The following DCT variants were observed in gnomAD, a reference collection of about 807,000 sequenced individuals.
DCT encodes L-dopachrome tautomerase.
DCT carries 47 observed loss-of-function variants against 53.0 expected under a neutral mutation model. That is an observed-to-expected ratio of 0.89 (90% CI 0.70 to 1.13). DCT has a LOEUF of 1.13. Among genes scored for constraint, DCT ranks in the 50% most tolerant of loss-of-function variants. DCT has a pLI of 0.00. For missense variants in DCT, 669 were observed against 637.4 expected (o/e 1.05, Z -0.53); for synonymous variants, 244 against 237.0 (o/e 1.03, Z -0.27).
At chr13:94,475,161 CAT>C (rs1350166096) in intron 1 of DCT, among the ~76,000 whole-genome samples, 2 of 152,146 alleles carry the variant, frequency 1.3e-5, no homozygotes, top group East Asian at 3.9e-4. Flanking sequence ...AATTGAAGGA[CAT>C]GTGTCCTGCT....
rs1416986947 is a variant in DCT at position 94,443,770 on chromosome 13, C to T, written c.1180-133G>A. ...CTTCTGTATACCCATGTGTGGAATACCCCCTTCTGTGTACCACCATGAGGA... is the reference window on the plus strand; with the variant it reads ...CTTCTGTATACCCATGTGTGGAATATCCCCTTCTGTGTACCACCATGAGGA... On this transcript the variant is annotated intron_variant, in intron 6 of 7. Transcript: ENST00000377028. 3.3e-5 allele frequency: 22 copies of T among 674,682 alleles called. 1 individual carries two copies. Among genetic ancestry groups the T allele is most frequent in the Admixed American group, 1.4e-4 (6 of 42,140 alleles). The allele number at this position is 674,682 out of a possible 1,614,324, so 41.8% of individuals were successfully genotyped here.
At chr13:94,458,332 T>C (rs1435894820) in intron 6 of DCT, among the ~76,000 whole-genome samples, 1 of 152,144 alleles carries the variant, frequency 6.6e-6, no homozygotes, top group Non-Finnish European at 1.5e-5. Context: ...GGCTGAGACT[T>C]TCCACAGTCC....
rs1362081732 is a variant in DCT, at chr13:94,443,487, G to GT, written c.1329dup (p.Leu444ThrfsTer21). 1.9e-6 allele frequency: 3 copies of GT among 1,613,954 alleles called. No individual in the cohort carries two copies. In the African/African-American group the frequency reaches 4.0e-5, roughly 22 times the overall value. On this transcript the variant is annotated frameshift_variant, in exon 7 of 8. Coordinates refer to ENST00000377028, the MANE Select transcript of DCT (RefSeq NM_001922.5). LOFTEE classifies it high-confidence loss of function. ...CCAAGTTGGTCTGAGGTTAAAAAGAGTTCTTCATTAGTCACTGGAGGGAAG... is the reference window on the plus strand; with the variant it reads ...CCAAGTTGGTCTGAGGTTAAAAAGAGTTTCTTCATTAGTCACTGGAGGGAAG...
intron 7 of DCT, among the ~76,000 whole-genome samples, chr13:94,442,930 T>C (rs993151688): frequency 6.6e-6 from 1 of 152,228 alleles, no homozygotes; most frequent in Non-Finnish European, 1.5e-5. Flanking sequence ...TATTATATTA[T>C]TACTTACCTT....
At chr13:94,511,348 T>TTC in the DCT span, among the ~76,000 whole-genome samples, 1 of 145,672 alleles carries the variant, frequency 6.9e-6, no homozygotes. Context: ...CTACATAACT[T>TTC]TCTCTCTCTC....
the DCT span, among the ~76,000 whole-genome samples, chr13:94,522,526 T>G: frequency 1.3e-5 from 2 of 152,194 alleles, no homozygotes; most frequent in African/African-American, 4.8e-5. Flanking sequence ...ATTCTGTTCC[T>G]CTAGAGAACC....
chr13:94,439,945 G>C lies in DCT; in HGVS notation c.1513C>G (p.Leu505Val). 2 of 1,613,940 alleles carry C rather than the reference G, an allele frequency of 1.2e-6. No homozygotes were observed. The highest frequency in any genetic ancestry group is 1.7e-6 in the Non-Finnish European group (2 of 1,179,888). ...YRRLRKGYTP[L>V]METHLSSKRY... ...TTGCTGCTTAAATGTGTCTCCATTAGGGGTGTATATCCTTTTCGAAGTCTT... is the reference window on the plus strand; with the variant it reads ...TTGCTGCTTAAATGTGTCTCCATTACGGGTGTATATCCTTTTCGAAGTCTT... Residue 505 changes from leucine (L) to valine (V), a missense_variant, in exon 8 of 8, where the codon CTA (leucine) becomes GTA (valine). Physicochemically the swap from Leu to Val is conservative, Grantham distance 32. Transcript: ENST00000377028.
intron 6 of DCT, among the ~76,000 whole-genome samples, chr13:94,450,495 A>G (rs191906801): frequency 1.4e-3 from 218 of 152,262 alleles, no homozygotes; most frequent in African/African-American, 5.1e-3. Context: ...ATTCTCCCAC[A>G]TAGACTTGTA....
At chr13:94,443,383 C>T in intron 7 of DCT, 53 bp downstream of exon 7, 12 of 1,373,184 alleles carry the variant, frequency 8.7e-6, no homozygotes, top group South Asian at 7.0e-5. Context: ...AGCAAGAAAG[C>T]TAGCTTCTTT....
chr13:94,475,404 T>C (rs1234930125), intron 1 of DCT, among the ~76,000 whole-genome samples: 1 of 152,170 alleles, frequency 6.6e-6, no homozygotes, highest in African/African-American at 2.4e-5. Flanking sequence ...TGGAAGACAT[T>C]TGTGCTAAGT....
At chr13:94,493,444 A>C in the DCT span, among the ~76,000 whole-genome samples, 1 of 152,240 alleles carries the variant, frequency 6.6e-6, no homozygotes, top group Non-Finnish European at 1.5e-5. Flanking sequence ...TTCCCAAGGC[A>C]TATGAGGACT....
the DCT span, among the ~76,000 whole-genome samples, chr13:94,530,689 A>T: frequency 1.4e-4 from 21 of 147,330 alleles, no homozygotes; most frequent in African/African-American, 5.1e-4. Context: ...TATCATCCTG[A>T]ATGGGCAAAA....
chr13:94,439,536 A>G lies in DCT; in HGVS notation c.*362T>C, dbSNP rs879850411. ...AGGTCTCACATTGCACTGACCTGCA[A>G]ATTTAAATGACTCCCCTGGATCAAT... On this transcript the variant is annotated 3_prime_UTR_variant, in exon 8 of 8. Coordinates refer to ENST00000377028, the MANE Select transcript of DCT (RefSeq NM_001922.5). 7.2e-5 allele frequency: 12 copies of G among 166,274 alleles called. No individual in the cohort carries two copies. Among genetic ancestry groups the G allele is most frequent in the Non-Finnish European group, 1.3e-4 (10 of 77,818 alleles). 10.3% of individuals were successfully genotyped at this position (166,274 alleles called of 1,614,324 possible).
At position 94,438,530 on chromosome 13, in the gene DCT, T is replaced by A. The variant is rs1882054425; in HGVS notation, c.*1368A>T. The stretch of plus-strand genomic sequence containing the variant: ...TCCAGGGACCTCTTAACACCCATTC[T>A]TTACATTCATTCATTCCAGTAGAGA... On this transcript the variant is annotated 3_prime_UTR_variant, in exon 8 of 8. Transcript: ENST00000377028. The A allele has an allele frequency of 2.2e-6, 1 of 453,232 alleles. No homozygotes were observed. Among genetic ancestry groups the A allele is most frequent in the African/African-American group, 2.0e-5 (1 of 49,886 alleles). 28.1% of individuals were successfully genotyped at this position (453,232 alleles called of 1,614,324 possible).
chr13:94,460,772 A>G (rs994658865), intron 5 of DCT, among the ~76,000 whole-genome samples: 3 of 152,188 alleles, frequency 2.0e-5, no homozygotes, highest in African/African-American at 7.2e-5. Context: ...AAAAAAAGAA[A>G]AAAGAAAAAA....
At chr13:94,527,175 C>G in the DCT span, among the ~76,000 whole-genome samples, 1 of 152,236 alleles carries the variant, frequency 6.6e-6, no homozygotes, top group African/African-American at 2.4e-5. Flanking sequence ...CCTACTGCCT[C>G]TATGAATTCC....
the DCT span, among the ~76,000 whole-genome samples, chr13:94,536,827 C>T: frequency 1.3e-5 from 2 of 151,902 alleles, no homozygotes; most frequent in Admixed American, 6.6e-5. Flanking sequence ...GCTTGTAATC[C>T]CAGCTACTCT....
the DCT span, among the ~76,000 whole-genome samples, chr13:94,491,925 G>T: frequency 6.6e-6 from 1 of 152,244 alleles, no homozygotes; most frequent in East Asian, 1.9e-4. Context: ...AGATCATTTA[G>T]ACCAATACTC....
chr13:94,506,660 C>A, the DCT span, among the ~76,000 whole-genome samples: 2 of 152,118 alleles, frequency 1.3e-5, no homozygotes, highest in Non-Finnish European at 2.9e-5. Flanking sequence ...ATGGATTACA[C>A]TGTTGCATGA....
Sources: allele counts gnomAD v4.1 joint callset (sites outside exome capture counted in the v4.1 genomes callset), GRCh38; gene constraint gnomAD v4.1.1; transcripts MANE v1.5; gene names NCBI Gene and HGNC (gene_info 2026-07-23, HGNC 2026-07-21).